VGLL4: variants seen among roughly 807,000 people sequenced by gnomAD.
VGLL4 encodes the protein vestigial like family member 4, also known as transcription cofactor vestigial-like protein 4.
Under a neutral mutation model 21.0 loss-of-function variants are expected in VGLL4, and 7 were observed. The ratio of observed to expected loss-of-function variants is 0.33; its 90% CI spans 0.19 to 0.63. The LOEUF is 0.63. VGLL4 is among the 20% of genes least tolerant of loss of function. VGLL4 has a pLI of 0.78. For synonymous variants in VGLL4, 222 were observed against 173.2 expected (o/e 1.28, Z -2.21); for missense variants, 394 against 425.7 (o/e 0.93, Z 0.66).
intron 2 of VGLL4, among the ~76,000 whole-genome samples, chr3:11,597,244 TA>T (rs879758020): frequency 1.4e-5 from 2 of 148,090 alleles, no homozygotes; most frequent in African/African-American, 4.9e-5. Context: ...CAAGGGCCAT[TA>T]AAAAAAAAAC....
intron 2 of VGLL4, among the ~76,000 whole-genome samples, chr3:11,654,723 G>A (rs1015743294): frequency 2.6e-5 from 4 of 152,080 alleles, no homozygotes; most frequent in Non-Finnish European, 5.9e-5. Flanking sequence ...CTTTGTCTAT[G>A]CCCAATACCT....
chr3:11,609,472 A>C lies in VGLL4; in HGVS notation c.83-7450T>G, dbSNP rs149347473. On this transcript the variant is annotated intron_variant, in intron 1 of 4. Coordinates refer to ENST00000430365, the MANE Select transcript of VGLL4 (RefSeq NM_001128219.3). ...GGACTCTTCTAGTTCTCAAAGTTCC[A>C]GCAACATTCATTTATTCGAATACTA... is the stretch of plus-strand genomic sequence containing the variant. Among the ~76,000 whole-genome samples the C allele has an allele frequency of 7.2e-5, 11 of 152,368 alleles. No homozygotes were observed. In the East Asian group the frequency reaches 2.1e-3, roughly 29 times the overall value.
At chr3:11,608,090 C>T (rs73814923) in intron 1 of VGLL4, among the ~76,000 whole-genome samples, 3 of 152,074 alleles carry the variant, frequency 2.0e-5, no homozygotes, top group African/African-American at 7.2e-5. Context: ...AACATGTATT[C>T]GAAATTTCAC....
At chr3:11,690,851 T>C (rs2076517071) in intron 2 of VGLL4, among the ~76,000 whole-genome samples, 1 of 152,110 alleles carries the variant, frequency 6.6e-6, no homozygotes, top group African/African-American at 2.4e-5. Flanking sequence ...TCTATAAAAG[T>C]ATAAACCCCA....
chr3:11,682,632 G>T (rs2076393326), intron 2 of VGLL4, among the ~76,000 whole-genome samples: 1 of 152,030 alleles, frequency 6.6e-6, no homozygotes, highest in Non-Finnish European at 1.5e-5. Flanking sequence ...CAATAGCGAT[G>T]GAAAGTGGAA....
At chr3:11,644,065 A>T, upstream of VGLL4, 1 of 870,684 alleles carries the variant, frequency 1.1e-6, no homozygotes, top group South Asian at 5.3e-5. Flanking sequence ...GGGGAGGGGG[A>T]GAGACTCTAG....
At chr3:11,643,405 A>G in intron 1 of VGLL4, 32 bp downstream of exon 1, 1 of 1,613,950 alleles carries the variant, frequency 6.2e-7, no homozygotes, top group Non-Finnish European at 8.5e-7. Context: ...CGGGACGAGC[A>G]ACGGGCAGTA....
chr3:11,630,855 G>C (rs951885643), intron 1 of VGLL4, among the ~76,000 whole-genome samples: 4 of 152,096 alleles, frequency 2.6e-5, no homozygotes, highest in Non-Finnish European at 5.9e-5. Context: ...GCATAAAAAT[G>C]TTCGAACACT....
At chr3:11,572,648 G>A (rs555972378) in intron 2 of VGLL4, among the ~76,000 whole-genome samples, 5 of 152,178 alleles carry the variant, frequency 3.3e-5, no homozygotes, top group African/African-American at 9.6e-5. Flanking sequence ...CACATCCGTC[G>A]CATGCTTCAC....
intron 2 of VGLL4, among the ~76,000 whole-genome samples, chr3:11,572,841 C>T (rs1167138153): frequency 6.6e-6 from 1 of 152,038 alleles, no homozygotes; most frequent in African/African-American, 2.4e-5. Flanking sequence ...TATGGACCGG[C>T]GCCTGGGCAC....
chr3:11,649,894 TATTTGGTTTG>T (rs1241699624), intron 2 of VGLL4, among the ~76,000 whole-genome samples: 10 of 134,996 alleles, frequency 7.4e-5, no homozygotes, highest in African/African-American at 9.4e-5. Context: ...ACAAGTGCTC[TATTTGGTTTG>T]GTTTGGTTTG....
At chr3:11,575,812 C>T (rs984582408) in intron 2 of VGLL4, among the ~76,000 whole-genome samples, 3 of 152,208 alleles carry the variant, frequency 2.0e-5, no homozygotes, top group African/African-American at 7.2e-5. Context: ...TGGGGCCAAC[C>T]CCTGCAACTT....
intron 2 of VGLL4, among the ~76,000 whole-genome samples, chr3:11,597,501 C>T (rs2437690): frequency 0.81 from 123,238 of 152,038 alleles, 50,323 homozygotes; most frequent in Non-Finnish European, 0.86. Context: ...TTAAAACTTA[C>T]ATTTGTTTTA....
intron 1 of VGLL4, among the ~76,000 whole-genome samples, chr3:11,709,171 C>T (rs532258569): frequency 9.2e-5 from 14 of 152,186 alleles, no homozygotes; most frequent in Middle Eastern, 3.4e-3. Context: ...GGTGCAGTGG[C>T]TCATGCCTGT....
intron 2 of VGLL4, among the ~76,000 whole-genome samples, chr3:11,677,041 T>A (rs2076301246): frequency 6.6e-6 from 1 of 152,258 alleles, no homozygotes. Context: ...CATGCATTTA[T>A]GGCAGAGTTA....
intron 2 of VGLL4, among the ~76,000 whole-genome samples, chr3:11,600,089 CAATGG>C (rs2074755002): frequency 6.6e-6 from 1 of 152,112 alleles, no homozygotes; most frequent in Admixed American, 6.5e-5. Flanking sequence ...AGTATCTGAA[CAATGG>C]AATAAAAATA....
In VGLL4 at chr3:11,556,446, C is replaced by T. The variant is rs1303328743; in HGVS notation, c.*2110G>A. 1 of 152,738 alleles carries T rather than the reference C, an allele frequency of 6.5e-6. No homozygotes were observed. Among genetic ancestry groups the T allele is most frequent in the Non-Finnish European group, 1.5e-5 (1 of 68,060 alleles). 9.5% of individuals were successfully genotyped at this position (152,738 alleles called of 1,614,324 possible). A position where few individuals can be genotyped will look rare whatever the true frequency, so the allele number is the denominator to read the frequency against. On this transcript the variant is annotated 3_prime_UTR_variant, in exon 5 of 5. Coordinates refer to ENST00000430365, the MANE Select transcript of VGLL4 (RefSeq NM_001128219.3). ...TGTTCACTGACAAAGAGACCTGTCC[C>T]AGGAGTGTCCTCCACCGAGCCGGTC...
At chr3:11,709,957 G>A (rs761012904) in intron 1 of VGLL4, among the ~76,000 whole-genome samples, 5 of 152,174 alleles carry the variant, frequency 3.3e-5, no homozygotes, top group African/African-American at 7.2e-5. Context: ...TAAGCATGGT[G>A]CCAGCATCTG....
intron 1 of VGLL4, among the ~76,000 whole-genome samples, chr3:11,705,441 CAT>C (rs941750204): frequency 2.6e-5 from 4 of 152,232 alleles, no homozygotes; most frequent in Admixed American, 6.5e-5. Flanking sequence ...AACACACGCA[CAT>C]GTCTTCTTTT....
Sources: allele counts gnomAD v4.1 joint callset (sites outside exome capture counted in the v4.1 genomes callset), GRCh38; gene constraint gnomAD v4.1.1; transcripts MANE v1.5; gene names NCBI Gene and HGNC (gene_info 2026-07-23, HGNC 2026-07-21).